The following ZC3H12C variants were observed in gnomAD, a reference collection of about 807,000 sequenced individuals.
The protein encoded by ZC3H12C is probable ribonuclease ZC3H12C.
In ZC3H12C, 20 loss-of-function variants were observed where a neutral mutation model predicts 76.3. That is an observed-to-expected ratio of 0.26 (90% confidence interval 0.18 to 0.38). The LOEUF is 0.38. Among genes scored for constraint, ZC3H12C ranks in the 10% least tolerant of loss-of-function variants. The pLI is 1.00. For synonymous variants in ZC3H12C, 352 were observed against 399.6 expected (o/e 0.88, Z 1.42); for missense variants, 874 against 1,086.5 (o/e 0.80, Z 2.75).
At chr11:110,100,572 G>C (rs1005761934) in intron 1 of ZC3H12C, among the ~76,000 whole-genome samples, 1 of 152,086 alleles carries the variant, frequency 6.6e-6, no homozygotes, top group Non-Finnish European at 1.5e-5. Context: ...GGGTCACGTC[G>C]TGGTAGTTCT....
At chr11:110,101,633 T>C (rs1405725569) in intron 1 of ZC3H12C, among the ~76,000 whole-genome samples, 1 of 151,680 alleles carries the variant, frequency 6.6e-6, no homozygotes, top group Non-Finnish European at 1.5e-5. Context: ...CTGCAACCTC[T>C]GCCTCCCGGG....
intron 1 of ZC3H12C, among the ~76,000 whole-genome samples, chr11:110,114,815 C>A (rs1861495777): frequency 6.6e-6 from 1 of 152,086 alleles, no homozygotes; most frequent in African/African-American, 2.4e-5. Flanking sequence ...CATTTTTTTA[C>A]ACAAACGATT....
intron 1 of ZC3H12C, among the ~76,000 whole-genome samples, chr11:110,130,278 C>T (rs1056536121): frequency 5.3e-5 from 8 of 152,106 alleles, no homozygotes; most frequent in Non-Finnish European, 1.0e-4. Context: ...CAAAGTTAGA[C>T]AGAACTTTTG....
rs779805436 is a variant in ZC3H12C, at chr11:110,137,235, A to G, written c.594A>G (p.Glu198=). 2 of 1,613,954 alleles carry G rather than the reference A, an allele frequency of 1.2e-6. No individual in the cohort carries two copies. The highest frequency in any genetic ancestry group is 2.2e-5 in the East Asian group (1 of 44,882). ...CTTTAATCAATGATATTTTGGGAGA[A>G]CTTGTCAAACTTGGAAATAAAAGTG... The part of the protein sequence containing the change: ...TDALINDILG[E]LVKLGNKSEA... Residue 198 remains glutamate (E), a synonymous_variant, in exon 2 of 6, where the codon GAA becomes GAG. Coordinates refer to ENST00000278590, the MANE Select transcript of ZC3H12C (RefSeq NM_033390.2).
intron 4 of ZC3H12C, among the ~76,000 whole-genome samples, chr11:110,161,450 A>G (rs1862480584): frequency 1.3e-5 from 2 of 152,368 alleles, no homozygotes; most frequent in Admixed American, 6.5e-5. Flanking sequence ...GACATCAAGC[A>G]TGTCTCATGA....
intron 1 of ZC3H12C, chr11:110,131,044 G>A: frequency 6.5e-7 from 1 of 1,535,794 alleles, no homozygotes; most frequent in South Asian, 1.2e-5. Flanking sequence ...AGCTAAAATT[G>A]TGTTAAGGAG....
chr11:110,150,659 A>G (rs587815), intron 2 of ZC3H12C, among the ~76,000 whole-genome samples: 104,675 of 151,968 alleles, frequency 0.69, 36,849 homozygotes, highest in South Asian at 0.79. Context: ...GTTTTGTGCA[A>G]AATTTGTATA....
At chr11:110,107,378 C>CTT (rs138221808) in intron 1 of ZC3H12C, among the ~76,000 whole-genome samples, 2 of 151,494 alleles carry the variant, frequency 1.3e-5, no homozygotes, top group African/African-American at 2.4e-5. Flanking sequence ...CAAATGAAGT[C>CTT]TTTTTTTTGT....
intron 2 of ZC3H12C, among the ~76,000 whole-genome samples, chr11:110,149,140 T>G (rs913834170): frequency 2.0e-5 from 3 of 152,184 alleles, no homozygotes; most frequent in Admixed American, 2.0e-4. Context: ...TTCTGGATCT[T>G]GATGCCTGAC....
At chr11:110,096,598 A>AT (rs972395989) in intron 1 of ZC3H12C, among the ~76,000 whole-genome samples, 2,047 of 152,310 alleles carry the variant, frequency 0.013, 55 homozygotes, top group African/African-American at 0.046. Flanking sequence ...AGGCAGTCTG[A>AT]CTTTATAACC....
Position 110,136,690 on chromosome 11 carries a change from T to C in ZC3H12C, c.49T>C (p.Tyr17His), listed in dbSNP as rs1211362477. 1 of 1,613,746 alleles carries C rather than the reference T, an allele frequency of 6.2e-7. No homozygotes were observed. Among genetic ancestry groups the C allele is most frequent in the Non-Finnish European group, 8.5e-7 (1 of 1,179,818 alleles). Residue 17 changes from tyrosine to histidine, a missense_variant, in exon 2 of 6, where the codon TAC becomes CAC. By Grantham distance (83) the Tyr-to-His change is moderately conservative (BLOSUM62 2). This residue lies in a region of ZC3H12C where 210 missense variants were observed against 227.1 expected (regional missense o/e 0.92). Coordinates refer to ENST00000278590, the MANE Select transcript of ZC3H12C (RefSeq NM_033390.2). Reference protein sequence around the residue: ...QEYGVLCIQEYRKNSKVESST... With the variant: ...QEYGVLCIQEHRKNSKVESST... ...ATACGGGGTGCTTTGCATTCAGGAA[T>C]ACAGAAAAAACAGCAAAGTGGAGTC...
At chr11:110,104,688 C>T (rs1287247865) in intron 1 of ZC3H12C, among the ~76,000 whole-genome samples, 1 of 152,146 alleles carries the variant, frequency 6.6e-6, no homozygotes, top group African/African-American at 2.4e-5. Context: ...TGACCTTCAG[C>T]GAGAATCTCA....
At chr11:110,114,264 C>T (rs1467318399) in intron 1 of ZC3H12C, among the ~76,000 whole-genome samples, 1 of 152,112 alleles carries the variant, frequency 6.6e-6, no homozygotes, top group Admixed American at 6.6e-5. Context: ...GACACATATA[C>T]CATAGGGAAT....
At chr11:110,104,618 T>C (rs1861285489) in intron 1 of ZC3H12C, among the ~76,000 whole-genome samples, 1 of 152,178 alleles carries the variant, frequency 6.6e-6, no homozygotes, top group South Asian at 2.1e-4. Flanking sequence ...AGAGAGCAGG[T>C]GGGGCCTCTG....
chr11:110,139,797 G>T (rs1306059277), intron 2 of ZC3H12C, among the ~76,000 whole-genome samples: 2 of 151,298 alleles, frequency 1.3e-5, no homozygotes, highest in East Asian at 3.9e-4. Flanking sequence ...ACATTTTCTA[G>T]CATTCTACTT....
chr11:110,159,201 A>G, intron 3 of ZC3H12C, 55 bp from the exon 4 acceptor site: 9 of 1,371,496 alleles, frequency 6.6e-6, no homozygotes, highest in Non-Finnish European at 9.1e-6. Flanking sequence ...GAAAGTTGCC[A>G]TGTGTGTTAT....
chr11:110,137,038 C>T lies in ZC3H12C; in HGVS notation c.397C>T (p.Arg133Cys), dbSNP rs755763390. The T allele has an allele frequency of 1.2e-5, 19 of 1,613,592 alleles. No individual in the cohort carries two copies. In the East Asian group the frequency reaches 3.1e-4, roughly 26 times the overall value. Residue 133 changes from arginine (R) to cysteine (C), a missense_variant, in exon 2 of 6, where the codon CGC becomes TGC. By Grantham distance (180) the Arg-to-Cys change is radical. Coordinates refer to ENST00000278590, the MANE Select transcript of ZC3H12C (RefSeq NM_033390.2). ...CTGTTTAGAGCCTCACATACTCAAG[C>T]GCAATGAAATTTTGCAAGACTTTAA... Reference protein sequence around the residue: ...SPCLEPHILKRNEILQDFKPE... With the variant: ...SPCLEPHILKCNEILQDFKPE...
At chr11:110,115,973 TG>T (rs1861521010) in intron 1 of ZC3H12C, among the ~76,000 whole-genome samples, 1 of 152,162 alleles carries the variant, frequency 6.6e-6, no homozygotes, top group African/African-American at 2.4e-5. Flanking sequence ...TTGGCCAAGC[TG>T]GTCTTGAACT....
At chr11:110,108,189 C>T (rs1861365841) in intron 1 of ZC3H12C, among the ~76,000 whole-genome samples, 1 of 151,530 alleles carries the variant, frequency 6.6e-6, no homozygotes, top group South Asian at 2.1e-4. Context: ...CTCCTGGGCT[C>T]AAGCAATCCT....
Sources: allele counts gnomAD v4.1 joint callset (sites outside exome capture counted in the v4.1 genomes callset), GRCh38; gene constraint gnomAD v4.1.1; regional missense constraint gnomAD v4.1.1; transcripts MANE v1.5; gene names NCBI Gene and HGNC (gene_info 2026-07-23, HGNC 2026-07-21).